The following DAB1 variants were observed in gnomAD, a reference collection of about 807,000 sequenced individuals.
DAB1 encodes disabled homolog 1.
In DAB1, 15 loss-of-function variants were observed where a neutral mutation model predicts 64.6. The ratio of observed to expected loss-of-function variants is 0.23; its 90% CI spans 0.16 to 0.36. The LOEUF is 0.36. Ranked by LOEUF, DAB1 falls within the 10% of genes least tolerant of loss-of-function variation. DAB1 has a pLI of 1.00. For synonymous variants in DAB1, 235 were observed against 251.9 expected, an observed-to-expected ratio of 0.93 and a Z score of 0.64; for missense variants, 596 against 706.7, an observed-to-expected ratio of 0.84 and a Z score of 1.78.
chr1:58,164,933 C>T (rs1655746757), intron 4 of DAB1, among the ~76,000 whole-genome samples: 1 of 152,042 alleles, frequency 6.6e-6, no homozygotes. Flanking sequence ...TTTCATTTGG[C>T]TAACATTTAA....
chr1:58,260,448 T>C (rs949228456), intron 4 of DAB1, among the ~76,000 whole-genome samples: 1 of 152,110 alleles, frequency 6.6e-6, no homozygotes, highest in Admixed American at 6.5e-5. Flanking sequence ...CTCCCAGCCA[T>C]AGGCTAATTA....
intron 3 of DAB1, among the ~76,000 whole-genome samples, chr1:58,402,280 G>A (rs1285755166): frequency 6.6e-6 from 1 of 152,076 alleles, no homozygotes; most frequent in African/African-American, 2.4e-5. Context: ...TCTTTCCTTC[G>A]GCCCAGCGAT....
intron 3 of DAB1, among the ~76,000 whole-genome samples, chr1:58,378,288 G>GT (rs1211514634): frequency 4.6e-5 from 5 of 109,130 alleles, no homozygotes; most frequent in Non-Finnish European, 8.1e-5. Flanking sequence ...TTTCTGTTCT[G>GT]TTTTTTCCCC....
At chr1:57,968,862 C>T (rs890869058) in intron 5 of DAB1, among the ~76,000 whole-genome samples, 5 of 152,174 alleles carry the variant, frequency 3.3e-5, no homozygotes, top group Non-Finnish European at 7.3e-5. Flanking sequence ...ACCTACCCAG[C>T]TATAACTCTA....
intron 5 of DAB1, among the ~76,000 whole-genome samples, chr1:58,144,904 T>C (rs1375789524): frequency 6.6e-6 from 1 of 152,176 alleles, no homozygotes; most frequent in African/African-American, 2.4e-5. Flanking sequence ...CAGAACTCCT[T>C]GTACCTAGTT....
chr1:58,502,352 A>G (rs1238533418), intron 3 of DAB1, among the ~76,000 whole-genome samples: 1 of 152,214 alleles, frequency 6.6e-6, no homozygotes, highest in Admixed American at 6.5e-5. Flanking sequence ...AAAATATGCA[A>G]TACTGTTACT....
chr1:58,535,412 CG>C (rs1385450941), intron 1 of DAB1, among the ~76,000 whole-genome samples: 2 of 151,834 alleles, frequency 1.3e-5, no homozygotes, highest in African/African-American at 4.8e-5. Flanking sequence ...CTGGCCAACA[CG>C]GATGAAACCC....
At chr1:57,502,491 C>T (rs1644302236) in intron 7 of DAB1, among the ~76,000 whole-genome samples, 1 of 152,080 alleles carries the variant, frequency 6.6e-6, no homozygotes. Context: ...TCTCCAATAT[C>T]ATATTTTACC....
intron 7 of DAB1, among the ~76,000 whole-genome samples, chr1:57,432,694 A>G (rs1685560019): frequency 6.6e-6 from 1 of 152,166 alleles, no homozygotes; most frequent in Admixed American, 6.6e-5. Flanking sequence ...CTGTTATATG[A>G]GCCAATATGT....
intron 5 of DAB1, among the ~76,000 whole-genome samples, chr1:57,979,262 C>T (rs542032105): frequency 2.6e-5 from 4 of 152,242 alleles, no homozygotes; most frequent in South Asian, 2.1e-4. Context: ...ATGCCCTTTG[C>T]GGGGACATGG....
intron 2 of DAB1, among the ~76,000 whole-genome samples, chr1:57,290,694 T>A (rs501921): frequency 0.41 from 61,588 of 151,968 alleles, 13,057 homozygotes; most frequent in Admixed American, 0.58. Context: ...CACACAAAAT[T>A]ACTATTTAAA....
At chr1:57,622,271 G>A (rs781221083) in intron 7 of DAB1, among the ~76,000 whole-genome samples, 1 of 152,132 alleles carries the variant, frequency 6.6e-6, no homozygotes, top group Admixed American at 6.6e-5. Flanking sequence ...GACTGTGCAA[G>A]GCATCTTTTG....
chr1:58,338,452 C>A (rs1663173901), intron 4 of DAB1, among the ~76,000 whole-genome samples: 1 of 152,180 alleles, frequency 6.6e-6, no homozygotes, highest in Non-Finnish European at 1.5e-5. Context: ...ATGTTTGTGG[C>A]ATTATTGAAT....
chr1:58,157,341 G>A (rs1198708102), intron 4 of DAB1, among the ~76,000 whole-genome samples: 2 of 152,102 alleles, frequency 1.3e-5, no homozygotes, highest in Admixed American at 6.6e-5. Flanking sequence ...CTTCCTAAGC[G>A]GCTGCCCTCA....
intron 7 of DAB1, among the ~76,000 whole-genome samples, chr1:57,483,463 T>C (rs2101248544): frequency 6.6e-6 from 1 of 152,332 alleles, no homozygotes; most frequent in African/African-American, 2.4e-5. Flanking sequence ...CCTTCCAACA[T>C]GATTGTGAGG....
chr1:57,901,217 T>C (rs1644468677), intron 5 of DAB1, among the ~76,000 whole-genome samples: 1 of 152,150 alleles, frequency 6.6e-6, no homozygotes, highest in African/African-American at 2.4e-5. Flanking sequence ...TCTCTTTATA[T>C]TGGCCTAACC....
At chr1:57,377,044 C>T (rs929357849) in intron 1 of DAB1, among the ~76,000 whole-genome samples, 5 of 152,116 alleles carry the variant, frequency 3.3e-5, no homozygotes, top group Non-Finnish European at 7.4e-5. Context: ...CCGAGGTGGG[C>T]AGATCACTTG....
chr1:57,054,114 G>A lies in DAB1; in HGVS notation c.723+8770C>T, dbSNP rs17114885. On this transcript the variant is annotated intron_variant, in intron 9 of 14. Coordinates refer to ENST00000371236, the MANE Select transcript of DAB1 (RefSeq NM_001365792.1). The stretch of plus-strand genomic sequence containing the variant: ...GGCTTTGAAACTGAAAAATTACAAG[G>A]AGAAGGATAAAAGATCTTTTTCAGC... Among the ~76,000 whole-genome samples the A allele has an allele frequency of 8.8e-3, 1,343 of 152,238 alleles. 84 individuals carry two copies. In the East Asian group the frequency reaches 0.17, roughly 19 times the overall value.
In DAB1 at chr1:57,476,338, A is replaced by T. The variant is rs192548915; in HGVS notation, n.625+173254T>A. Among the ~76,000 whole-genome samples, 20 of 152,186 alleles carry T rather than the reference A, an allele frequency of 1.3e-4. No homozygotes were observed. The East Asian group carries it at 3.7e-3, about 28-fold the overall frequency. On this transcript the variant is annotated intron_variant and non_coding_transcript_variant, in intron 7 of 20. Transcript: ENST00000485760. ...ATCTGTAACATGCCCCAGAGTCCCA[A>T]TAAAATGTCAATTTTATTGACATTT...
Sources: gnomAD v4.1 joint callset for allele counts (sites outside exome capture counted in the v4.1 genomes callset) on GRCh38, gnomAD v4.1.1 for gene constraint, MANE v1.5 for transcripts, NCBI Gene and HGNC (gene_info 2026-07-23, HGNC 2026-07-21) for gene names.